The following MTHFD2L variants were observed in gnomAD, a reference collection of about 807,000 sequenced individuals.
The protein encoded by MTHFD2L is methylenetetrahydrofolate dehydrogenase (NADP+ dependent) 2 like.
In MTHFD2L, 29 loss-of-function variants were observed where a neutral mutation model predicts 34.9. The observed-to-expected ratio is 0.83, with a 90% CI of 0.62 to 1.13. MTHFD2L has a LOEUF of 1.13. Among genes scored for constraint, MTHFD2L ranks in the 50% most tolerant of loss-of-function variants. The pLI is 0.00. For synonymous variants in MTHFD2L, 167 were observed against 155.7 expected, an observed-to-expected ratio of 1.07 and a Z score of -0.54; for missense variants, 481 against 446.5, an observed-to-expected ratio of 1.08 and a Z score of -0.70.
At chr4:74,271,297 G>A (rs144132561) in intron 6 of MTHFD2L, among the ~76,000 whole-genome samples, 3,374 of 152,220 alleles carry the variant, frequency 0.022, 217 homozygotes, top group Admixed American at 0.13. Context: ...AGTTTTTATG[G>A]TTTTAGGTCT....
intron 6 of MTHFD2L, among the ~76,000 whole-genome samples, chr4:74,258,005 G>C (rs1449836577): frequency 6.6e-6 from 1 of 151,872 alleles, no homozygotes; most frequent in Non-Finnish European, 1.5e-5. Context: ...CAGTAATCAA[G>C]GAAATGCAGA....
At chr4:74,135,738 A>G (rs1363652282) in intron 1 of MTHFD2L, among the ~76,000 whole-genome samples, 1 of 152,108 alleles carries the variant, frequency 6.6e-6, no homozygotes, top group Non-Finnish European at 1.5e-5. Context: ...ACCAGTGAAC[A>G]CAGATGTAAA....
At chr4:74,252,976 A>G (rs1277924832) in intron 6 of MTHFD2L, among the ~76,000 whole-genome samples, 1 of 152,208 alleles carries the variant, frequency 6.6e-6, no homozygotes, top group East Asian at 1.9e-4. Flanking sequence ...GGTAAGGAGA[A>G]TACCTACAAA....
At chr4:74,257,159 T>C (rs1321107413) in intron 6 of MTHFD2L, among the ~76,000 whole-genome samples, 1 of 152,154 alleles carries the variant, frequency 6.6e-6, no homozygotes, top group Non-Finnish European at 1.5e-5. Context: ...GTAATTCTCT[T>C]TGTAGAGCTC....
intron 6 of MTHFD2L, among the ~76,000 whole-genome samples, chr4:74,263,712 T>C (rs1373459013): frequency 6.6e-6 from 1 of 152,100 alleles, no homozygotes; most frequent in East Asian, 1.9e-4. Context: ...GTTTTTCAGC[T>C]TAATAAGCTT....
intron 1 of MTHFD2L, among the ~76,000 whole-genome samples, chr4:74,168,780 T>A (rs1560437687): frequency 6.6e-6 from 1 of 152,026 alleles, no homozygotes; most frequent in Non-Finnish European, 1.5e-5. Flanking sequence ...TTAGAGGAGA[T>A]CAAGACAAGC....
At chr4:74,248,249 T>A (rs1254458636) in intron 6 of MTHFD2L, among the ~76,000 whole-genome samples, 1 of 152,232 alleles carries the variant, frequency 6.6e-6, no homozygotes, top group Non-Finnish European at 1.5e-5. Context: ...TTCTTCTAGA[T>A]TTTCTAGTTT....
At chr4:74,246,872 G>A (rs1173538175) in intron 6 of MTHFD2L, among the ~76,000 whole-genome samples, 2 of 152,128 alleles carry the variant, frequency 1.3e-5, no homozygotes, top group Non-Finnish European at 2.9e-5. Flanking sequence ...TGCTGTTTTG[G>A]TTACTGTAGC....
chr4:74,167,743 ATGAC>A (rs1727030808), intron 1 of MTHFD2L, among the ~76,000 whole-genome samples: 1 of 152,202 alleles, frequency 6.6e-6, no homozygotes, highest in African/African-American at 2.4e-5. Context: ...GAATTAAAAT[ATGAC>A]TGGTGTGTAG....
intron 6 of MTHFD2L, among the ~76,000 whole-genome samples, chr4:74,236,376 T>G (rs906521144): frequency 3.9e-5 from 6 of 152,228 alleles, no homozygotes; most frequent in African/African-American, 1.2e-4. Context: ...TAAATTTTGC[T>G]TGAAACATCT....
chr4:74,160,316 C>T (rs1725152155), intron 1 of MTHFD2L: 1 of 317,306 alleles, frequency 3.2e-6, no homozygotes, highest in African/African-American at 2.2e-5. Flanking sequence ...AGATTTATCA[C>T]CATTTCTGAG....
upstream of MTHFD2L, among the ~76,000 whole-genome samples, chr4:74,153,661 G>T (rs192066436): frequency 6.6e-6 from 1 of 152,166 alleles, no homozygotes. Context: ...TACAAATAGA[G>T]CAATAAATAA....
intron 1 of MTHFD2L, among the ~76,000 whole-genome samples, chr4:74,159,860 A>C (rs1252153597): frequency 1.3e-5 from 2 of 152,156 alleles, no homozygotes; most frequent in Non-Finnish European, 2.9e-5. Context: ...ATATTTTGAT[A>C]GTTTTTATTT....
At position 74,188,688 on chromosome 4, in the gene MTHFD2L, A is replaced by ATGTG. The variant is rs1578402254; in HGVS notation, c.452-11105_452-11104insGTGT. 4.7e-5 allele frequency among the ~76,000 whole-genome samples: 7 copies of ATGTG among 150,346 alleles called. No individual in the cohort carries two copies. The East Asian group carries it at 1.2e-3, about 25-fold the overall frequency. On this transcript the variant is annotated intron_variant, in intron 3 of 7. Coordinates refer to ENST00000325278, the MANE Select transcript of MTHFD2L (RefSeq NM_001144978.3). ...ATTCTGGTTTTATAGGTATATATAT[A>ATGTG]TATGTGTATGCATATGTATATATAT...
At chr4:74,290,616 C>G (rs189463499) in intron 7 of MTHFD2L, among the ~76,000 whole-genome samples, 4 of 152,016 alleles carry the variant, frequency 2.6e-5, no homozygotes, top group South Asian at 2.1e-4. Context: ...AGGTGAATTG[C>G]CAAGCATAAT....
chr4:74,300,083 T>TA (rs1179541370), intron 7 of MTHFD2L, among the ~76,000 whole-genome samples: 2 of 152,092 alleles, frequency 1.3e-5, no homozygotes, highest in Non-Finnish European at 2.9e-5. Flanking sequence ...TGACCCATTC[T>TA]AATGTTTCTA....
chr4:74,258,454 G>T (rs574766950), intron 6 of MTHFD2L, among the ~76,000 whole-genome samples: 1 of 151,870 alleles, frequency 6.6e-6, no homozygotes, highest in Non-Finnish European at 1.5e-5. Context: ...GAACTGCACA[G>T]GTCCATTTAT....
At chr4:74,254,147 C>A (rs1743682935) in intron 6 of MTHFD2L, among the ~76,000 whole-genome samples, 1 of 152,076 alleles carries the variant, frequency 6.6e-6, no homozygotes, top group African/African-American at 2.4e-5. Context: ...TATTAACAGA[C>A]AACTTCTAAA....
At chr4:74,187,282 C>T (rs1731474412) in intron 3 of MTHFD2L, among the ~76,000 whole-genome samples, 1 of 152,036 alleles carries the variant, frequency 6.6e-6, no homozygotes. Context: ...GAAAAAAACC[C>T]AAACCGCTCC....
Sources: allele counts gnomAD v4.1 joint callset (sites outside exome capture counted in the v4.1 genomes callset), GRCh38; gene constraint gnomAD v4.1.1; transcripts MANE v1.5; gene names NCBI Gene and HGNC (gene_info 2026-07-23, HGNC 2026-07-21).